CTNNBIP1: variants seen among roughly 807,000 people sequenced by gnomAD.
The protein encoded by CTNNBIP1 is catenin beta interacting protein 1.
Under a neutral mutation model 11.8 loss-of-function variants are expected in CTNNBIP1, and 7 were observed. That is an observed-to-expected ratio of 0.60 (90% CI 0.34 to 1.12). The LOEUF (loss-of-function observed/expected upper bound fraction) is 1.12. Ranked by LOEUF, CTNNBIP1 falls within the 50% of genes most tolerant of loss-of-function variation. The pLI, the probability that CTNNBIP1 is intolerant of heterozygous loss-of-function variation, is 0.03. For missense variants in CTNNBIP1, 101 were observed against 113.4 expected (o/e 0.89, Z 0.50); for synonymous variants, 58 against 43.9 (o/e 1.32, Z -1.26).
intron 1 of CTNNBIP1, 35 bp downstream of exon 1, chr1:9,910,060 G>C (rs1178388181): frequency 6.8e-6 from 1 of 147,552 alleles, no homozygotes; most frequent in Non-Finnish European, 1.5e-5. Flanking sequence ...GCGCGGGCCC[G>C]GGCGGTGCAG....
intron 1 of CTNNBIP1, among the ~76,000 whole-genome samples, chr1:9,895,274 C>T (rs1353585489): frequency 6.6e-6 from 1 of 151,976 alleles, no homozygotes; most frequent in Non-Finnish European, 1.5e-5. Context: ...TTGCAACTCA[C>T]TGCAACCTCC....
chr1:9,856,402 T>C (rs1174313678), intron 5 of CTNNBIP1, among the ~76,000 whole-genome samples: 1 of 152,052 alleles, frequency 6.6e-6, no homozygotes, highest in Non-Finnish European at 1.5e-5. Flanking sequence ...AAAACTTTTC[T>C]GTTTCAAAAG....
At chr1:9,886,970 T>C (rs1639202582) in intron 1 of CTNNBIP1, among the ~76,000 whole-genome samples, 1 of 152,146 alleles carries the variant, frequency 6.6e-6, no homozygotes, top group Non-Finnish European at 1.5e-5. Context: ...CGCTCGGTAT[T>C]CCCGAACCGC....
At chr1:9,884,063 C>G (rs374527257) in intron 1 of CTNNBIP1, among the ~76,000 whole-genome samples, 18 of 151,974 alleles carry the variant, frequency 1.2e-4, no homozygotes, top group South Asian at 4.2e-4. Context: ...AAAAGGCTCC[C>G]GTGGAAGGGG....
intron 5 of CTNNBIP1, among the ~76,000 whole-genome samples, chr1:9,868,188 C>A (rs1050741494): frequency 7.2e-5 from 11 of 152,216 alleles, no homozygotes; most frequent in African/African-American, 2.7e-4. Context: ...GGGCAGTCCA[C>A]AGGGCGCCCC....
intron 1 of CTNNBIP1, among the ~76,000 whole-genome samples, chr1:9,903,670 T>C (rs748858259): frequency 3.3e-4 from 50 of 152,170 alleles, no homozygotes; most frequent in Non-Finnish European, 5.9e-4. Context: ...ACAAGTATCA[T>C]TATCCCCATT....
intron 5 of CTNNBIP1, among the ~76,000 whole-genome samples, chr1:9,865,835 A>G (rs1638732773): frequency 6.6e-6 from 1 of 152,074 alleles, no homozygotes; most frequent in Non-Finnish European, 1.5e-5. Context: ...TATAACTGGG[A>G]AAAAAATCAC....
intron 2 of CTNNBIP1, 71 bp from the exon 3 acceptor site, chr1:9,878,060 G>A (rs1489819572): frequency 2.6e-5 from 4 of 152,678 alleles, no homozygotes; most frequent in Non-Finnish European, 5.9e-5. Flanking sequence ...GCTGGGCCTG[G>A]AGCACACGCC....
At chr1:9,894,993 T>C (rs1403818836) in intron 1 of CTNNBIP1, among the ~76,000 whole-genome samples, 1 of 149,432 alleles carries the variant, frequency 6.7e-6, no homozygotes, top group Non-Finnish European at 1.5e-5. Flanking sequence ...CTGCAAGCTC[T>C]GCTTCCCAGG....
chr1:9,888,500 C>T (rs367722243), intron 1 of CTNNBIP1, among the ~76,000 whole-genome samples: 1 of 151,316 alleles, frequency 6.6e-6, no homozygotes, highest in Non-Finnish European at 1.5e-5. Flanking sequence ...TGCAGTGAGC[C>T]GAGATCGCGC....
intron 1 of CTNNBIP1, among the ~76,000 whole-genome samples, chr1:9,905,589 A>ATT (rs1215484495): frequency 5.9e-4 from 84 of 143,362 alleles, no homozygotes; most frequent in African/African-American, 2.1e-3. Flanking sequence ...TGCCCGGCTA[A>ATT]TTTTTTTTTT....
chr1:9,859,318 G>A (rs755473601), intron 5 of CTNNBIP1, among the ~76,000 whole-genome samples: 37 of 152,206 alleles, frequency 2.4e-4, no homozygotes, highest in Admixed American at 5.9e-4. Flanking sequence ...CCCCTTTAGT[G>A]GAGTCCAGTC....
rs984392897 is a variant in CTNNBIP1, at chr1:9,910,241, C to A, written c.-290G>T. On this transcript the variant is annotated 5_prime_UTR_variant, in exon 1 of 6. Coordinates refer to ENST00000377263, the MANE Select transcript of CTNNBIP1 (RefSeq NM_020248.3). ...GGAGCGGCCGCCTCAGCCTCCGCCTCCCGCTCCGAGAGTCACCGCGGTGGG... is the reference window on the plus strand; with the variant it reads ...GGAGCGGCCGCCTCAGCCTCCGCCTACCGCTCCGAGAGTCACCGCGGTGGG... 3.4e-5 allele frequency: 5 copies of A among 147,558 alleles called. No individual in the cohort carries two copies. Among genetic ancestry groups the A allele is most frequent in the African/African-American group, 1.2e-4 (5 of 40,984 alleles). 9.1% of individuals were successfully genotyped at this position (147,558 alleles called of 1,614,324 possible). A position where few individuals can be genotyped will look rare whatever the true frequency, so the allele number is the denominator to read the frequency against.
chr1:9,884,170 C>T (rs370556912), intron 1 of CTNNBIP1, among the ~76,000 whole-genome samples: 16 of 152,144 alleles, frequency 1.1e-4, no homozygotes, highest in African/African-American at 1.7e-4. Context: ...GTGGGGGCGA[C>T]GGGACTGGGC....
rs1638982870 is a variant in CTNNBIP1 at position 9,877,047 on chromosome 1, G to C, written c.-25+858C>G. 3.3e-5 allele frequency among the ~76,000 whole-genome samples: 5 copies of C among 152,332 alleles called. No homozygotes were observed. The South Asian group carries it at 1.0e-3, about 32-fold the overall frequency. On this transcript the variant is annotated intron_variant, in intron 3 of 5. Coordinates refer to ENST00000377263, the MANE Select transcript of CTNNBIP1 (RefSeq NM_020248.3). ...CTCAGGGAAACACCCAAGGGCATCTGTAAGAGGCACGCTCAGATGCCACAC... is the reference window on the plus strand; with the variant it reads ...CTCAGGGAAACACCCAAGGGCATCTCTAAGAGGCACGCTCAGATGCCACAC...
intron 5 of CTNNBIP1, among the ~76,000 whole-genome samples, chr1:9,870,880 C>T (rs917390672): frequency 6.6e-6 from 1 of 152,212 alleles, no homozygotes; most frequent in East Asian, 1.9e-4. Flanking sequence ...AATAATCAGT[C>T]TCTGCAGTTA....
chr1:9,892,347 G>A (rs1276494193), intron 1 of CTNNBIP1, among the ~76,000 whole-genome samples: 9 of 151,962 alleles, frequency 5.9e-5, no homozygotes, highest in African/African-American at 9.7e-5. Context: ...GCGTGAACCC[G>A]GGAGGCAGAG....
intron 3 of CTNNBIP1, among the ~76,000 whole-genome samples, chr1:9,877,466 T>C (rs1230096162): frequency 6.6e-6 from 1 of 152,228 alleles, no homozygotes; most frequent in Non-Finnish European, 1.5e-5. Flanking sequence ...TCAAGTAAGC[T>C]CAGGCGAGGC....
At chr1:9,907,303 TGGGATTACAGGCACTCGCCATCATGCCCA>T (rs1421752134) in intron 1 of CTNNBIP1, among the ~76,000 whole-genome samples, 1 of 152,220 alleles carries the variant, frequency 6.6e-6, no homozygotes, top group African/African-American at 2.4e-5. Context: ...CTCGAGTAGC[TGGGATTACAGGCACTCGCCATCATGCCCA>T]GCTGATTTTT....
Sources: allele counts gnomAD v4.1 joint callset (sites outside exome capture counted in the v4.1 genomes callset), GRCh38; gene constraint gnomAD v4.1.1; transcripts MANE v1.5; gene names NCBI Gene and HGNC (gene_info 2026-07-23, HGNC 2026-07-21).